ALDH1A2: variants seen among roughly 807,000 people sequenced by gnomAD.
ALDH1A2 encodes the protein retinal dehydrogenase 2.
In ALDH1A2, 27 loss-of-function variants were observed where a neutral mutation model predicts 60.3. The observed-to-expected ratio is 0.45, with a 90% CI of 0.33 to 0.62. The LOEUF is 0.62. ALDH1A2 is among the 20% of genes least tolerant of loss of function. ALDH1A2 has a pLI of 0.02. For synonymous variants in ALDH1A2, 289 were observed against 232.4 expected (o/e 1.24, Z -2.21); for missense variants, 581 against 643.8 (o/e 0.90, Z 1.06).
intron 1 of ALDH1A2, among the ~76,000 whole-genome samples, chr15:58,040,086 G>C (rs1303528980): frequency 1.3e-5 from 2 of 151,852 alleles, no homozygotes; most frequent in Non-Finnish European, 2.9e-5. Context: ...ATGCTCCAAA[G>C]ATAATATATT....
chr15:58,046,160 C>T (rs1896634348), intron 1 of ALDH1A2, among the ~76,000 whole-genome samples: 1 of 152,030 alleles, frequency 6.6e-6, no homozygotes, highest in Non-Finnish European at 1.5e-5. Flanking sequence ...GAATAGATAT[C>T]TCACGGTCTC....
chr15:57,985,332 C>A (rs1894661486), intron 7 of ALDH1A2, among the ~76,000 whole-genome samples: 1 of 152,186 alleles, frequency 6.6e-6, no homozygotes, highest in South Asian at 2.1e-4. Flanking sequence ...ATCCCTCTTT[C>A]TCTTGAAACC....
chr15:58,055,825 AG>A (rs1287716502), intron 1 of ALDH1A2, among the ~76,000 whole-genome samples: 2 of 152,134 alleles, frequency 1.3e-5, no homozygotes, highest in Non-Finnish European at 2.9e-5. Flanking sequence ...CCTGGTGCTT[AG>A]GAATAATTTA....
chr15:58,026,870 G>A (rs1245589277), intron 1 of ALDH1A2, among the ~76,000 whole-genome samples: 1 of 152,218 alleles, frequency 6.6e-6, no homozygotes, highest in Non-Finnish European at 1.5e-5. Flanking sequence ...GTGGCCAGAA[G>A]ATTGAACTGG....
At chr15:57,956,410 G>A (rs1010659791) in intron 12 of ALDH1A2, among the ~76,000 whole-genome samples, 1 of 152,228 alleles carries the variant, frequency 6.6e-6, no homozygotes, top group African/African-American at 2.4e-5. Context: ...CTTTACAAGA[G>A]AGACCTGCTG....
chr15:57,966,116 G>T (rs2140455117), intron 7 of ALDH1A2, among the ~76,000 whole-genome samples: 1 of 152,270 alleles, frequency 6.6e-6, no homozygotes, highest in East Asian at 1.9e-4. Flanking sequence ...AAAGACAACT[G>T]GCAAGAAAAA....
intron 1 of ALDH1A2, among the ~76,000 whole-genome samples, chr15:58,015,108 T>G (rs1228863444): frequency 6.6e-6 from 1 of 152,176 alleles, no homozygotes; most frequent in African/African-American, 2.4e-5. Context: ...ACTAATATTT[T>G]TAGACCATGT....
chr15:57,961,061 A>G lies in ALDH1A2; in HGVS notation c.1409+76T>C, dbSNP rs535040047. On this transcript the variant is annotated intron_variant, in intron 11 of 12. Coordinates refer to ENST00000249750, the MANE Select transcript of ALDH1A2 (RefSeq NM_003888.4). ...TGCTTTTGGTATTCCCCATCCTTCC[A>G]AGGAGATACTTGTTTATTTCACCCT... is the stretch of plus-strand genomic sequence containing the variant. 1.9e-4 allele frequency: 300 copies of G among 1,581,730 alleles called. 1 individual carries two copies. In the South Asian group the frequency reaches 3.2e-3, roughly 17 times the overall value.
chr15:57,995,517 C>A (rs1395577901), intron 4 of ALDH1A2, among the ~76,000 whole-genome samples: 2 of 151,934 alleles, frequency 1.3e-5, no homozygotes, highest in African/African-American at 4.8e-5. Context: ...AGTCAACAAA[C>A]CTTTAAATAA....
intron 4 of ALDH1A2, among the ~76,000 whole-genome samples, chr15:58,008,163 T>C (rs1895518765): frequency 6.6e-6 from 1 of 152,112 alleles, no homozygotes; most frequent in African/African-American, 2.4e-5. Flanking sequence ...TTCAGCCTCC[T>C]GAGAATTCTG....
chr15:57,953,512 T>C lies in ALDH1A2; in HGVS notation c.*1685A>G, dbSNP rs1893417191. On this transcript the variant is annotated 3_prime_UTR_variant, in exon 13 of 13. Transcript: ENST00000249750. ...AAATAAATCTTCATTTTCACATTTT[T>C]TGTTGCAGTCCAAAGGTAACTAGTT... 6.5e-6 allele frequency: 1 copy of C among 152,816 alleles called. No individual in the cohort carries two copies. The highest frequency in any genetic ancestry group is 1.5e-5 in the Non-Finnish European group (1 of 68,044). 9.5% of individuals were successfully genotyped at this position (152,816 alleles called of 1,614,324 possible). A position where few individuals can be genotyped will look rare whatever the true frequency, so the allele number is the denominator to read the frequency against.
chr15:57,982,459 T>C (rs1894548256), intron 7 of ALDH1A2, among the ~76,000 whole-genome samples: 1 of 152,234 alleles, frequency 6.6e-6, no homozygotes, highest in South Asian at 2.1e-4. Context: ...TGTGATATAC[T>C]ATTCTGTCAA....
At chr15:57,971,793 C>T (rs991251155) in intron 7 of ALDH1A2, among the ~76,000 whole-genome samples, 7 of 151,942 alleles carry the variant, frequency 4.6e-5, no homozygotes, top group South Asian at 2.1e-4. Context: ...GGTGTGATCA[C>T]GGCTCACTGC....
intron 8 of ALDH1A2, chr15:57,964,661 G>A (rs1469674218): frequency 1.3e-5 from 2 of 153,278 alleles, no homozygotes; most frequent in African/African-American, 2.4e-5. Flanking sequence ...GGTCTTCTTT[G>A]AAGACACTAA....
intron 12 of ALDH1A2, among the ~76,000 whole-genome samples, chr15:57,957,032 C>T (rs765312969): frequency 1.8e-4 from 28 of 152,126 alleles, no homozygotes; most frequent in South Asian, 4.1e-4. Context: ...GATCTGTGCA[C>T]GGGGGAAGTG....
intron 4 of ALDH1A2, among the ~76,000 whole-genome samples, chr15:58,002,656 A>G (rs1037301453): frequency 1.3e-5 from 2 of 151,454 alleles, no homozygotes; most frequent in African/African-American, 4.9e-5. Flanking sequence ...AACACTAAGA[A>G]CACTACAAGA....
intron 7 of ALDH1A2, among the ~76,000 whole-genome samples, chr15:57,975,521 G>T (rs1000082056): frequency 2.0e-5 from 3 of 152,186 alleles, no homozygotes; most frequent in Non-Finnish European, 4.4e-5. Flanking sequence ...AATCCAAAAT[G>T]CTCCAATGAG....
At chr15:58,023,119 A>G (rs1286694076) in intron 1 of ALDH1A2, among the ~76,000 whole-genome samples, 1 of 152,240 alleles carries the variant, frequency 6.6e-6, no homozygotes, top group African/African-American at 2.4e-5. Flanking sequence ...GAAATAAATG[A>G]GAAACTTACC....
chr15:57,986,202 A>G (rs1566938423), intron 7 of ALDH1A2, among the ~76,000 whole-genome samples: 1 of 152,214 alleles, frequency 6.6e-6, no homozygotes, highest in Admixed American at 6.5e-5. Context: ...ATCAGGCAGT[A>G]TGGGACTATG....
Sources: allele counts gnomAD v4.1 joint callset (sites outside exome capture counted in the v4.1 genomes callset), GRCh38; gene constraint gnomAD v4.1.1; transcripts MANE v1.5; gene names NCBI Gene and HGNC (gene_info 2026-07-23, HGNC 2026-07-21).